The following TMEM131 variants were observed in gnomAD, a reference collection of about 807,000 sequenced individuals.
The protein encoded by TMEM131 is 2610524E03Rik.
In TMEM131, 66 loss-of-function variants were observed where a neutral mutation model predicts 211.6. The observed-to-expected ratio is 0.31, with a 90% CI of 0.26 to 0.38. The LOEUF (loss-of-function observed/expected upper bound fraction) is 0.38. TMEM131 is among the 10% of genes least tolerant of loss of function. TMEM131 has a pLI of 1.00. For missense variants in TMEM131, 2,036 were observed against 2,299.3 expected (o/e 0.89, Z 2.34); for synonymous variants, 844 against 841.3 (o/e 1.00, Z -0.06).
chr2:97,797,869 T>C (rs1680838490), intron 25 of TMEM131, among the ~76,000 whole-genome samples: 2 of 152,228 alleles, frequency 1.3e-5, no homozygotes, highest in East Asian at 3.8e-4. Context: ...GATGATCAGC[T>C]AGACACATTA....
At chr2:97,782,041 G>A (rs1680033736) in intron 31 of TMEM131, among the ~76,000 whole-genome samples, 1 of 152,226 alleles carries the variant, frequency 6.6e-6, no homozygotes, top group African/African-American at 2.4e-5. Context: ...CTATCAGGGA[G>A]GGCTAAGCAG....
Position 97,759,661 on chromosome 2 carries a change from G to T in TMEM131, c.5197C>A (p.Leu1733Ile), listed in dbSNP as rs1338164274. The T allele has an allele frequency of 6.2e-7, 1 of 1,612,832 alleles. No homozygotes were observed. Among genetic ancestry groups the T allele is most frequent in the African/African-American group, 1.3e-5 (1 of 75,032 alleles). Residue 1733 changes from leucine (L) to isoleucine (I), a missense_variant, in exon 39 of 41, where the codon CTA becomes ATA. Leu to Ile is a conservative substitution (Grantham distance 5). Transcript: ENST00000186436. ...SFSAFGNSFN[L>I]TGEVFSKLGL... is the part of the protein sequence containing the mutation. ...AGTGTTAAACACTCACCACCAGTTA[G>T]ATTAAAAGAGTTTCCAAAGGCGGAG...
At chr2:97,848,078 G>A (rs1402097024) in intron 5 of TMEM131, among the ~76,000 whole-genome samples, 1 of 152,132 alleles carries the variant, frequency 6.6e-6, no homozygotes, top group Non-Finnish European at 1.5e-5. Flanking sequence ...AGTATGGGCT[G>A]GTGAAAGGAC....
At chr2:97,813,531 G>A (rs918499944) in intron 15 of TMEM131, among the ~76,000 whole-genome samples, 5 of 151,914 alleles carry the variant, frequency 3.3e-5, no homozygotes, top group African/African-American at 4.8e-5. Flanking sequence ...CCAACTTTGC[G>A]TCTTTACTAC....
chr2:97,985,257 CAAT>C (rs933947080), intron 1 of TMEM131, among the ~76,000 whole-genome samples: 1 of 151,794 alleles, frequency 6.6e-6, no homozygotes, highest in African/African-American at 2.4e-5. Context: ...CTAGCCAAAG[CAAT>C]AATGCATAAA....
chr2:97,943,007 G>GAAAGAAAAGAAAGAAAAGAAAAGAAAAGA (rs1677825923), intron 1 of TMEM131, among the ~76,000 whole-genome samples: 1 of 63,072 alleles, frequency 1.6e-5, no homozygotes, highest in African/African-American at 8.1e-5. Context: ...AGAAAGAAAA[G>GAAAGAAAAGAAAGAAAAGAAAAGAAAAGA]AAAGAAAAGA....
At chr2:97,758,759 A>G (rs776477655) in intron 40 of TMEM131, 134 bp downstream of exon 40, 4 of 1,184,124 alleles carry the variant, frequency 3.4e-6, no homozygotes, top group Middle Eastern at 2.9e-4. Context: ...TGGAGACAAT[A>G]AAAGTACTAA....
chr2:97,894,999 C>T (rs1381953559), intron 3 of TMEM131, among the ~76,000 whole-genome samples: 1 of 152,138 alleles, frequency 6.6e-6, no homozygotes, highest in East Asian at 1.9e-4. Flanking sequence ...TTGATAGTCG[C>T]TGTTGGTTTG....
chr2:97,810,746 C>A (rs950995395), intron 18 of TMEM131, among the ~76,000 whole-genome samples: 2 of 152,150 alleles, frequency 1.3e-5, no homozygotes, highest in African/African-American at 4.8e-5. Context: ...CTGATTTTAT[C>A]TTCCTTTTCA....
At position 97,933,016 on chromosome 2, in the gene TMEM131, AG is replaced by A. The variant is rs1320978229; in HGVS notation, c.188-5530del. Among the ~76,000 whole-genome samples the A allele has an allele frequency of 3.9e-5, 6 of 152,198 alleles. No individual in the cohort carries two copies. In the East Asian group the frequency reaches 1.2e-3, roughly 29 times the overall value. ...TTGCCATTGTGTTACAACTGCCTAC[AG>A]TATTCAGTATAGTAACATGTTGTAC... is the stretch of plus-strand genomic sequence containing the variant. On this transcript the variant is annotated intron_variant, in intron 1 of 40. Transcript: ENST00000186436.
chr2:97,857,504 A>G (rs531977668), intron 5 of TMEM131, among the ~76,000 whole-genome samples: 1 of 152,368 alleles, frequency 6.6e-6, no homozygotes, highest in African/African-American at 2.4e-5. Context: ...ATATTGCTTG[A>G]CTTAGCAAAA....
In TMEM131 at chr2:97,792,777, T is replaced by C; in HGVS notation, c.3753A>G (p.Ala1251=). 6.2e-7 allele frequency: 1 copy of C among 1,614,040 alleles called. No individual in the cohort carries two copies. The highest frequency in any genetic ancestry group is 1.3e-5 in the African/African-American group (1 of 75,062). ...TTTTGTTAGCAGACTGTGAAGAAGC[T>C]GCTTGAGCAGAAGTCCTACTAGAGG... ...SSTSSRTSAQ[A]ASSQSANKTS... is the part of the protein sequence containing the mutation. The change falls in exon 31 of 41, where the codon GCA becomes GCG. Residue 1251 remains alanine, a synonymous_variant. Transcript: ENST00000186436.
intron 1 of TMEM131, among the ~76,000 whole-genome samples, chr2:97,932,330 G>A (rs1446463372): frequency 1.3e-5 from 2 of 152,054 alleles, no homozygotes; most frequent in Admixed American, 6.6e-5. Flanking sequence ...TCAAAGCTTT[G>A]TTTCTTCCCT....
intron 4 of TMEM131, among the ~76,000 whole-genome samples, chr2:97,887,530 G>T (rs1213962096): frequency 1.3e-5 from 2 of 152,128 alleles, no homozygotes; most frequent in Admixed American, 6.5e-5. Flanking sequence ...GAGGCCCGGG[G>T]GTCTCTCCTG....
chr2:97,962,646 C>G (rs1457422757), intron 1 of TMEM131, among the ~76,000 whole-genome samples: 1 of 152,186 alleles, frequency 6.6e-6, no homozygotes, highest in African/African-American at 2.4e-5. Context: ...TGAAGTTAAA[C>G]ATAATCTTAC....
chr2:97,988,621 G>A (rs1353425106), intron 1 of TMEM131, among the ~76,000 whole-genome samples: 2 of 152,184 alleles, frequency 1.3e-5, no homozygotes, highest in African/African-American at 4.8e-5. Flanking sequence ...GACGTGAATA[G>A]ACATTTCTCC....
At chr2:97,893,394 T>G (rs989216248) in intron 3 of TMEM131, among the ~76,000 whole-genome samples, 3 of 152,228 alleles carry the variant, frequency 2.0e-5, no homozygotes, top group Non-Finnish European at 4.4e-5. Flanking sequence ...TATAGTCCTT[T>G]GGGTATATAC....
At chr2:97,918,038 C>T (rs1398368785) in intron 2 of TMEM131, among the ~76,000 whole-genome samples, 1 of 151,938 alleles carries the variant, frequency 6.6e-6, no homozygotes, top group African/African-American at 2.4e-5. Context: ...CCTCCGCCTC[C>T]CGGGTTCAAG....
rs756072439 is a variant in TMEM131, at chr2:97,766,234, G to C, written c.4603C>G (p.Pro1535Ala). 6.2e-6 allele frequency: 10 copies of C among 1,614,070 alleles called. No homozygotes were observed. Among genetic ancestry groups the C allele is most frequent in the Admixed American group, 3.3e-5 (2 of 60,028 alleles). ...GTSKLVDNRP[P>A]ALAKFLPNSQ... ...TTCGGGAGGAATTTTGCTAGGGCAG[G>C]TGGTCTGTTATCCACTAACTTACTT... The change falls in exon 35 of 41, where the codon CCT becomes GCT. Residue 1535 changes from proline (P) to alanine (A), a missense_variant. Physicochemically the swap from Pro to Ala is conservative, Grantham distance 27. This residue lies in a region of TMEM131 where 1,623 missense variants were observed against 1,805.9 expected (regional missense o/e 0.90). Transcript: ENST00000186436.
Sources: gnomAD v4.1 joint callset for allele counts (sites outside exome capture counted in the v4.1 genomes callset) on GRCh38, gnomAD v4.1.1 for gene constraint, gnomAD v4.1.1 regional missense constraint, MANE v1.5 for transcripts, NCBI Gene and HGNC (gene_info 2026-07-23, HGNC 2026-07-21) for gene names.